Variants in HIVEP3 observed in about 807,000 individuals in gnomAD.
HIVEP3 encodes transcription factor HIVEP3.
In HIVEP3, 49 loss-of-function variants were observed where a neutral mutation model predicts 152.8. The observed-to-expected ratio is 0.32, with a 90% CI of 0.26 to 0.41. The LOEUF is 0.41. HIVEP3 is among the 10% of genes least tolerant of loss of function. The probability of loss-of-function intolerance (pLI) is 1.00; values close to 1 mark genes in which losing one functional copy is unlikely to be tolerated. For synonymous variants in HIVEP3, 1,269 were observed against 1,289.0 expected (o/e 0.98, Z 0.33); for missense variants, 2,790 against 3,103.3 (o/e 0.90, Z 2.40).
intron 1 of HIVEP3, among the ~76,000 whole-genome samples, chr1:41,777,218 C>T (rs998231945): frequency 6.6e-6 from 1 of 152,194 alleles, no homozygotes; most frequent in African/African-American, 2.4e-5. Context: ...TGGGCTGCAG[C>T]CCAGAGGGAA....
At chr1:41,768,795 T>C (rs960704947) in intron 1 of HIVEP3, among the ~76,000 whole-genome samples, 1 of 152,202 alleles carries the variant, frequency 6.6e-6, no homozygotes, top group Non-Finnish European at 1.5e-5. Context: ...TATTCCAAAT[T>C]TAATGTAAAT....
chr1:41,811,710 C>T (rs747602089), intron 1 of HIVEP3, among the ~76,000 whole-genome samples: 9 of 151,370 alleles, frequency 5.9e-5, no homozygotes, highest in South Asian at 4.2e-4. Context: ...TGGGGAAAGG[C>T]GAAACGTCAG....
Position 41,582,209 on chromosome 1 carries a change from C to T in HIVEP3, c.2589G>A (p.Glu863=). The T allele has an allele frequency of 6.2e-7, 1 of 1,614,024 alleles. No homozygotes were observed. The highest frequency in any genetic ancestry group is 8.5e-7 in the Non-Finnish European group (1 of 1,179,958). ...CTGGCTCTGTGTCCGGCCGGTCAGG[C>T]TCCTCAGTTACTAGGATCTCAGGAA... The part of the protein sequence containing the change: ...IQVPEILVTE[E]PDRPDTEPEP... The change falls in exon 4 of 9, where the codon GAG becomes GAA. Residue 863 remains glutamate, a synonymous_variant. Transcript: ENST00000372583. The surrounding 1 kb of genome is among the most constrained non-coding windows in gnomAD (Gnocchi z 4.7).
Position 41,648,707 on chromosome 1 carries a change from G to T in HIVEP3, c.-720-19760C>A, listed in dbSNP as rs1174836841. The stretch of plus-strand genomic sequence containing the variant: ...TGAATTTAAAAGTTCGGAGGACATG[G>T]ACTGTAGGCCAACCCCATCCTTGTA... On this transcript the variant is annotated intron_variant, in intron 2 of 8. Transcript: ENST00000372583. Among the ~76,000 whole-genome samples the T allele has an allele frequency of 2.6e-5, 4 of 152,364 alleles. No individual in the cohort carries two copies. In the East Asian group the frequency reaches 7.7e-4, roughly 29 times the overall value.
chr1:41,618,703 C>T (rs905861829), intron 3 of HIVEP3, among the ~76,000 whole-genome samples: 9 of 152,180 alleles, frequency 5.9e-5, no homozygotes, highest in Non-Finnish European at 1.3e-4. Context: ...GGATGAGTTT[C>T]CCAAGACAAA....
At chr1:41,563,571 GA>G (rs1330336296) in intron 5 of HIVEP3, among the ~76,000 whole-genome samples, 3 of 151,988 alleles carry the variant, frequency 2.0e-5, no homozygotes, top group African/African-American at 7.3e-5. Context: ...ACTCCCCGAC[GA>G]AACAGCCCCG....
At chr1:41,791,618 A>G (rs1649703068) in intron 1 of HIVEP3, among the ~76,000 whole-genome samples, 1 of 145,026 alleles carries the variant, frequency 6.9e-6, no homozygotes, top group Non-Finnish European at 1.5e-5. Flanking sequence ...GGGAATGCTG[A>G]TATTGTGGTG....
intron 1 of HIVEP3, among the ~76,000 whole-genome samples, chr1:41,999,512 A>G (rs1032912827): frequency 5.9e-5 from 9 of 152,220 alleles, no homozygotes. Flanking sequence ...CAGTGCCATT[A>G]GAATCTCAAA....
At chr1:41,548,631 G>C (rs1558051645) in intron 5 of HIVEP3, among the ~76,000 whole-genome samples, 1 of 151,968 alleles carries the variant, frequency 6.6e-6, no homozygotes, top group Non-Finnish European at 1.5e-5. Flanking sequence ...CACCTCCCAG[G>C]TTCAAGTGAT....
intron 2 of HIVEP3, among the ~76,000 whole-genome samples, chr1:41,668,379 C>G (rs1263384615): frequency 6.6e-6 from 1 of 152,202 alleles, no homozygotes; most frequent in Non-Finnish European, 1.5e-5. Context: ...AAGCCTGCAT[C>G]CACAGCAAAG....
At chr1:41,719,900 C>T (rs755761549) in intron 1 of HIVEP3, among the ~76,000 whole-genome samples, 6 of 152,226 alleles carry the variant, frequency 3.9e-5, no homozygotes, top group African/African-American at 9.6e-5. Context: ...GAAGCCCAGA[C>T]GCTTCCTGGC....
intron 1 of HIVEP3, among the ~76,000 whole-genome samples, chr1:41,723,687 C>T (rs1487021194): frequency 6.6e-6 from 1 of 152,154 alleles, no homozygotes; most frequent in African/African-American, 2.4e-5. Context: ...TATGAAAAGC[C>T]AATGGGAGAA....
At chr1:41,747,940 A>T (rs1228457476) in intron 1 of HIVEP3, among the ~76,000 whole-genome samples, 1 of 152,254 alleles carries the variant, frequency 6.6e-6, no homozygotes, top group Non-Finnish European at 1.5e-5. Context: ...GTCTTAAGGC[A>T]GTAATCAGAT....
intron 2 of HIVEP3, among the ~76,000 whole-genome samples, chr1:41,654,413 C>T (rs1373148025): frequency 1.3e-5 from 2 of 152,008 alleles, no homozygotes; most frequent in African/African-American, 4.8e-5. Context: ...CCTAAGCAAC[C>T]CTTAGGAGGA....
At chr1:41,553,963 A>C (rs570359194) in intron 5 of HIVEP3, among the ~76,000 whole-genome samples, 1 of 152,008 alleles carries the variant, frequency 6.6e-6, no homozygotes, top group Non-Finnish European at 1.5e-5. Flanking sequence ...TGAATTATCA[A>C]ATTGTGTGTC....
chr1:41,652,437 G>A (rs1024448172), intron 2 of HIVEP3, among the ~76,000 whole-genome samples: 2 of 152,192 alleles, frequency 1.3e-5, no homozygotes, highest in Non-Finnish European at 2.9e-5. Context: ...CTGGGGACGT[G>A]CCTGGAGGAG....
intron 1 of HIVEP3, among the ~76,000 whole-genome samples, chr1:41,728,900 G>T (rs1252228524): frequency 6.6e-6 from 1 of 152,188 alleles, no homozygotes; most frequent in Non-Finnish European, 1.5e-5. Context: ...TCTGCTGGGT[G>T]TTTGCTCAGT....
At chr1:42,030,999 A>G (rs1388205463) in intron 1 of HIVEP3, among the ~76,000 whole-genome samples, 1 of 152,222 alleles carries the variant, frequency 6.6e-6, no homozygotes, top group Non-Finnish European at 1.5e-5. Context: ...CTAGATGCAG[A>G]AAAACCTGGG....
intron 1 of HIVEP3, among the ~76,000 whole-genome samples, chr1:41,901,816 G>A (rs1480468031): frequency 5.3e-5 from 8 of 152,154 alleles, no homozygotes; most frequent in Admixed American, 5.2e-4. Context: ...CACTCACTTA[G>A]CCTATTTCCT....
Sources: allele counts gnomAD v4.1 joint callset (sites outside exome capture counted in the v4.1 genomes callset), GRCh38; gene constraint gnomAD v4.1.1; non-coding constraint Gnocchi (gnomAD v3.1); transcripts MANE v1.5; gene names NCBI Gene and HGNC (gene_info 2026-07-23, HGNC 2026-07-21).